Variants in NARS2 observed in about 807,000 individuals in gnomAD.
NARS2 encodes the protein asparaginyl-tRNA synthetase.
Under a neutral mutation model 62.9 loss-of-function variants are expected in NARS2, and 60 were observed. The ratio of observed to expected loss-of-function variants is 0.95; its 90% CI spans 0.77 to 1.18. The LOEUF (loss-of-function observed/expected upper bound fraction) is 1.18, where lower values mean the gene tolerates loss of function less well. NARS2 is among the 50% of genes most tolerant of loss of function. NARS2 has a pLI of 0.00. For synonymous variants in NARS2, 196 were observed against 200.0 expected (o/e 0.98, Z 0.17); for missense variants, 619 against 576.4 (o/e 1.07, Z -0.76).
At chr11:78,463,050 T>G (rs1257252085) in intron 11 of NARS2, among the ~76,000 whole-genome samples, 1 of 152,186 alleles carries the variant, frequency 6.6e-6, no homozygotes, top group Non-Finnish European at 1.5e-5. Flanking sequence ...CTTTATATTA[T>G]TGCCAACTTT....
rs1393133992 is a variant in NARS2 at position 78,467,563 on chromosome 11, AAATAAATT to A, written c.1027-1558_1027-1551del. ...TCAAAAAATAAATAAATAAATAAATAAATAAATTAATTAATTAATTAAATACAATAAAA... is the reference window on the plus strand; with the variant it reads ...TCAAAAAATAAATAAATAAATAAATAAATTAATTAATTAAATACAATAAAA... On this transcript the variant is annotated intron_variant, in intron 10 of 13. Coordinates refer to ENST00000281038, the MANE Select transcript of NARS2 (RefSeq NM_024678.6). Among the ~76,000 whole-genome samples, 105 of 124,678 alleles carry A rather than the reference AAATAAATT, an allele frequency of 8.4e-4. 1 individual carries two copies. In the East Asian group the frequency reaches 0.026, roughly 31 times the overall value. The allele number at this position is 124,678 out of a possible 152,430, so 81.8% of individuals were successfully genotyped here. A position where few individuals can be genotyped will look rare whatever the true frequency, so the allele number is the denominator to read the frequency against.
At chr11:78,455,090 C>T (rs563497749) in intron 11 of NARS2, among the ~76,000 whole-genome samples, 11 of 152,112 alleles carry the variant, frequency 7.2e-5, no homozygotes, top group African/African-American at 2.4e-4. Context: ...TCTTTAATTC[C>T]CCCCTTCCCC....
At chr11:78,560,987 G>C (rs1425722862) in intron 4 of NARS2, among the ~76,000 whole-genome samples, 1 of 152,198 alleles carries the variant, frequency 6.6e-6, no homozygotes, top group African/African-American at 2.4e-5. Context: ...GTGGGGAAGG[G>C]GAGGTGGAGA....
intron 6 of NARS2, among the ~76,000 whole-genome samples, chr11:78,522,912 G>A (rs2135415393): frequency 6.6e-6 from 1 of 152,260 alleles, no homozygotes; most frequent in East Asian, 1.9e-4. Flanking sequence ...GAATTCAATA[G>A]GCTATGCCCA....
chr11:78,561,896 C>G (rs1856568826), intron 4 of NARS2, among the ~76,000 whole-genome samples: 1 of 151,974 alleles, frequency 6.6e-6, no homozygotes, highest in Non-Finnish European at 1.5e-5. Context: ...CCAGTTTCTA[C>G]TAAAAAATAC....
At chr11:78,545,154 G>A in intron 5 of NARS2, among the ~76,000 whole-genome samples, 2 of 152,022 alleles carry the variant, frequency 1.3e-5, no homozygotes, top group East Asian at 3.9e-4. Flanking sequence ...TATTAAGTTG[G>A]AAGCACTATA....
At chr11:78,502,767 A>G (rs1372019023) in intron 6 of NARS2, among the ~76,000 whole-genome samples, 3 of 152,124 alleles carry the variant, frequency 2.0e-5, no homozygotes, top group African/African-American at 7.2e-5. Flanking sequence ...AAGGCACGTG[A>G]ATCAGCTGAG....
chr11:78,528,915 G>T lies in NARS2; in HGVS notation c.616C>A (p.Pro206Thr), dbSNP rs1299362744. ...QLEPSGKLKV[P>T]EENFFNVPAF... ...GGAACATTGAAGAAATTCTCCTCAG[G>T]TACCTTAAGTTTGCCTGAAGGCTGC... is the stretch of plus-strand genomic sequence containing the variant. The change falls in exon 6 of 14, where the codon CCT becomes ACT. Residue 206 changes from proline to threonine, a missense_variant. Coordinates refer to ENST00000281038, the MANE Select transcript of NARS2 (RefSeq NM_024678.6). 1 of 1,611,964 alleles carries T rather than the reference G, an allele frequency of 6.2e-7. No homozygotes were observed. The highest frequency in any genetic ancestry group is 2.2e-5 in the East Asian group (1 of 44,756).
intron 5 of NARS2, among the ~76,000 whole-genome samples, chr11:78,547,529 G>A (rs752854918): frequency 2.6e-5 from 4 of 152,210 alleles, no homozygotes; most frequent in East Asian, 1.9e-4. Flanking sequence ...GTACTGATAC[G>A]TGAACAAAAT....
rs1414699164 is a variant in NARS2, at chr11:78,436,573, T to A, written c.*97A>T. 3 of 1,290,430 alleles carry A rather than the reference T, an allele frequency of 2.3e-6. No homozygotes were observed. Among genetic ancestry groups the A allele is most frequent in the Non-Finnish European group, 2.2e-6 (2 of 930,108 alleles). The allele number at this position is 1,290,430 out of a possible 1,614,324, so 79.9% of individuals were successfully genotyped here. ...ATGGCACAACAATTACATATTGAAA[T>A]CTGCATTTCTAAAATCCAAACATGC... On this transcript the variant is annotated 3_prime_UTR_variant, in exon 14 of 14. Coordinates refer to ENST00000281038, the MANE Select transcript of NARS2 (RefSeq NM_024678.6).
At chr11:78,490,052 C>A (rs7929681) in intron 7 of NARS2, among the ~76,000 whole-genome samples, 2,458 of 152,140 alleles carry the variant, frequency 0.016, 57 homozygotes, top group African/African-American at 0.056. Context: ...AAACAAAAAA[C>A]CAGAAATGAA....
intron 5 of NARS2, among the ~76,000 whole-genome samples, chr11:78,544,976 G>A (rs1449186608): frequency 3.3e-5 from 5 of 152,134 alleles, no homozygotes; most frequent in African/African-American, 1.2e-4. Flanking sequence ...ATAGCAAACT[G>A]TTCATGATAT....
chr11:78,562,507 C>T (rs1368808901), intron 4 of NARS2, among the ~76,000 whole-genome samples: 1 of 152,206 alleles, frequency 6.6e-6, no homozygotes, highest in Non-Finnish European at 1.5e-5. Flanking sequence ...AGAACAATCC[C>T]TGATACTCAC....
At chr11:78,539,144 T>C (rs1340386842) in intron 5 of NARS2, among the ~76,000 whole-genome samples, 1 of 151,874 alleles carries the variant, frequency 6.6e-6, no homozygotes, top group African/African-American at 2.4e-5. Context: ...CATGGGGTTG[T>C]GGCATGATGA....
chr11:78,476,375 A>C (rs1428806683), intron 9 of NARS2, among the ~76,000 whole-genome samples: 8 of 152,194 alleles, frequency 5.3e-5, no homozygotes, highest in Non-Finnish European at 1.0e-4. Flanking sequence ...AATGCTGGGG[A>C]AACTGGATAG....
intron 3 of NARS2, 149 bp downstream of exon 3, chr11:78,568,483 A>G: frequency 1.2e-6 from 1 of 864,522 alleles, no homozygotes; most frequent in Non-Finnish European, 1.7e-6. Flanking sequence ...AATTTTTGCT[A>G]CTGCCTCTAC....
At chr11:78,444,758 A>C (rs1255927082) in intron 11 of NARS2, among the ~76,000 whole-genome samples, 3 of 151,712 alleles carry the variant, frequency 2.0e-5, no homozygotes, top group Non-Finnish European at 4.4e-5. Context: ...TAAGAAAATA[A>C]TATATCTGCA....
intron 6 of NARS2, among the ~76,000 whole-genome samples, chr11:78,527,481 C>T (rs1861333780): frequency 1.3e-5 from 2 of 152,116 alleles, no homozygotes; most frequent in African/African-American, 4.8e-5. Flanking sequence ...TATTGCCAGT[C>T]ATTTGGTTAT....
chr11:78,559,879 G>C (rs762346458), intron 4 of NARS2, among the ~76,000 whole-genome samples: 2 of 152,184 alleles, frequency 1.3e-5, no homozygotes, highest in African/African-American at 4.8e-5. Context: ...TTAAGGCCCA[G>C]ACAGATTTAG....
Sources: gnomAD v4.1 joint callset for allele counts (sites outside exome capture counted in the v4.1 genomes callset) on GRCh38, gnomAD v4.1.1 for gene constraint, MANE v1.5 for transcripts, NCBI Gene and HGNC (gene_info 2026-07-23, HGNC 2026-07-21) for gene names.